Variants in ADGRB2 observed in about 807,000 individuals in gnomAD.
ADGRB2 encodes the protein brain-specific angiogenesis inhibitor 2.
A neutral mutation model predicts 178.7 loss-of-function variants in ADGRB2; 47 were observed. That is an observed-to-expected ratio of 0.26 (90% CI 0.21 to 0.34). The LOEUF is 0.34. ADGRB2 is among the 10% of genes least tolerant of loss of function. The pLI is 1.00. For synonymous variants in ADGRB2, 870 were observed against 912.4 expected (o/e 0.95, Z 0.84); for missense variants, 1,584 against 2,180.8 (o/e 0.73, Z 5.45).
Position 31,731,184 on chromosome 1 carries a change from C to T in ADGRB2, c.3996G>A (p.Leu1332=). 2 of 1,599,414 alleles carry T rather than the reference C, an allele frequency of 1.3e-6. No homozygotes were observed. Among genetic ancestry groups the T allele is most frequent in the Non-Finnish European group, 1.7e-6 (2 of 1,173,696 alleles). Residue 1332 remains leucine, a synonymous_variant, in exon 29 of 33, where the codon CTG becomes CTA. Transcript: ENST00000373658. ...GCAGCCATGTGAGGTCCAGCTGCCG[C>T]AGGCCACCCTCCCCACACATGTAAA... The part of the protein sequence containing the change: ...NPVYMCGEGG[L]RQLDLTWLRP...
chr1:31,753,016 G>C lies in ADGRB2; in HGVS notation c.838+2983C>G, dbSNP rs889656315. 6.6e-6 allele frequency among the ~76,000 whole-genome samples: 1 copy of C among 152,180 alleles called. No individual in the cohort carries two copies. On this transcript the variant is annotated intron_variant, in intron 4 of 32. Coordinates refer to ENST00000373658, the MANE Select transcript of ADGRB2 (RefSeq NM_001364857.2). The surrounding 1 kb of genome is among the most constrained non-coding windows in gnomAD (Gnocchi z 4.1). ...GGATTGTGGCCAAGGAGAGAGGCGTGCATGAGGCGGGGTTCTTTCTCCCAA... is the reference window on the plus strand; with the variant it reads ...GGATTGTGGCCAAGGAGAGAGGCGTCCATGAGGCGGGGTTCTTTCTCCCAA...
chr1:31,734,145 G>A (rs927106292), intron 25 of ADGRB2, among the ~76,000 whole-genome samples: 1 of 152,210 alleles, frequency 6.6e-6, no homozygotes, highest in African/African-American at 2.4e-5. Flanking sequence ...TGAAGTCCCC[G>A]GAGGTGTAGC....
rs1042981432 is a variant in ADGRB2, at chr1:31,741,287, G to T, written c.1794+86C>A. On this transcript the variant is annotated intron_variant, in intron 11 of 32. Transcript: ENST00000373658. The surrounding 1 kb of genome is among the most constrained non-coding windows in gnomAD (Gnocchi z 6.5). ...GCACAGCATATGCCAAGGCACGTGG[G>T]AACGAGCGAGAATCACGCTCCCTCC... 7.3e-7 allele frequency: 1 copy of T among 1,376,836 alleles called. No individual in the cohort carries two copies. Among genetic ancestry groups the T allele is most frequent in the Non-Finnish European group, 1.0e-6 (1 of 999,530 alleles). The allele number at this position is 1,376,836 out of a possible 1,614,324, so 85.3% of individuals were successfully genotyped here. A position where few individuals can be genotyped will look rare whatever the true frequency, so the allele number is the denominator to read the frequency against.
Position 31,740,057 on chromosome 1 carries a change from G to C in ADGRB2, c.2059-23C>G. 6.2e-7 allele frequency: 1 copy of C among 1,614,154 alleles called. No homozygotes were observed. Among genetic ancestry groups the C allele is most frequent in the East Asian group, 2.2e-5 (1 of 44,880 alleles). On this transcript the variant is annotated intron_variant, in intron 13 of 32. Transcript: ENST00000373658. This position sits in a 1 kb window ranked among gnomAD's most constrained non-coding sequence, Gnocchi z 5.9. ...CACCTGGGGACAGAAAGTGTGTAAGGGTCCAAGGCAGGGTGGGTCACGGGA... is the reference window on the plus strand; with the variant it reads ...CACCTGGGGACAGAAAGTGTGTAAGCGTCCAAGGCAGGGTGGGTCACGGGA...
In ADGRB2 at chr1:31,735,525, C is replaced by G; in HGVS notation, c.3353+55G>C. ...CTGAGTCTCCAAGAGCACCCATGTC[C>G]CTCCCTCCCTGCACCATTTCCAGAA... On this transcript the variant is annotated intron_variant, in intron 24 of 32. Coordinates refer to ENST00000373658, the MANE Select transcript of ADGRB2 (RefSeq NM_001364857.2). The surrounding 1 kb of genome is among the most constrained non-coding windows in gnomAD (Gnocchi z 6.0). 1.3e-6 allele frequency: 2 copies of G among 1,578,774 alleles called. No homozygotes were observed. The highest frequency in any genetic ancestry group is 1.7e-6 in the Non-Finnish European group (2 of 1,150,346).
At chr1:31,747,048 C>T (rs1361206801) in intron 4 of ADGRB2, among the ~76,000 whole-genome samples, 2 of 152,206 alleles carry the variant, frequency 1.3e-5, no homozygotes, top group African/African-American at 2.4e-5. Context: ...CTCTGCTGAA[C>T]GTGCTCTTGA....
chr1:31,731,993 T>C (rs1280191439), intron 28 of ADGRB2, 122 bp downstream of exon 28: 2 of 1,313,866 alleles, frequency 1.5e-6, no homozygotes, highest in Non-Finnish European at 2.2e-6. Flanking sequence ...CTCAGGGCTG[T>C]CTAACTTCGA....
rs1182330911 is a variant in ADGRB2 at position 31,756,459 on chromosome 1, C to T, written c.378G>A (p.Gly126=). Residue 126 remains glycine (G), a synonymous_variant, in exon 4 of 33, where the codon GGG becomes GGA. Coordinates refer to ENST00000373658, the MANE Select transcript of ADGRB2 (RefSeq NM_001364857.2). The surrounding 1 kb of genome is among the most constrained non-coding windows in gnomAD (Gnocchi z 8.5). The stretch of plus-strand genomic sequence containing the variant: ...CCTCTGCCTCCTCCTCTTCTGGCCG[C>T]CCCACCTCTGACTCCGCCTGGGCCA... ...EAVAQAESEV[G]RPEEEEAEAA... is the part of the protein sequence containing the mutation. 1 of 1,611,080 alleles carries T rather than the reference C, an allele frequency of 6.2e-7. No individual in the cohort carries two copies. The highest frequency in any genetic ancestry group is 8.5e-7 in the Non-Finnish European group (1 of 1,178,616).
chr1:31,735,924 AC>A lies in ADGRB2; in HGVS notation c.3201-32del. 1 of 1,552,656 alleles carries A rather than the reference AC, an allele frequency of 6.4e-7. No homozygotes were observed. Among genetic ancestry groups the A allele is most frequent in the African/African-American group, 1.4e-5 (1 of 73,404 alleles). On this transcript the variant is annotated intron_variant, in intron 22 of 32. Transcript: ENST00000373658. This position sits in a 1 kb window ranked among gnomAD's most constrained non-coding sequence, Gnocchi z 6.0. ...GTGGGGGAGAAGAAGGGTGTCAGACACCCAGCAGCCTCCCTCCCCACCCTCA... is the reference window on the plus strand; with the variant it reads ...GTGGGGGAGAAGAAGGGTGTCAGACACCAGCAGCCTCCCTCCCCACCCTCA...
chr1:31,754,236 A>G lies in ADGRB2; in HGVS notation c.838+1763T>C, dbSNP rs761538907. ...CAACCAACTCCTGCTTCCGGCTTCA[A>G]CCAAGCCCAGCTGGCTGCTCCTGGC... On this transcript the variant is annotated intron_variant, in intron 4 of 32. Coordinates refer to ENST00000373658, the MANE Select transcript of ADGRB2 (RefSeq NM_001364857.2). This position sits in a 1 kb window ranked among gnomAD's most constrained non-coding sequence, Gnocchi z 5.7. Among the ~76,000 whole-genome samples the G allele has an allele frequency of 6.6e-6, 1 of 152,268 alleles. No individual in the cohort carries two copies. Among genetic ancestry groups the G allele is most frequent in the Non-Finnish European group, 1.5e-5 (1 of 68,048 alleles).
At position 31,745,158 on chromosome 1, in the gene ADGRB2, A is replaced by G. The variant is rs572183347; in HGVS notation, c.839-427T>C. Among the ~76,000 whole-genome samples the G allele has an allele frequency of 2.0e-5, 3 of 152,330 alleles. No individual in the cohort carries two copies. The East Asian group carries it at 5.8e-4, about 29-fold the overall frequency. On this transcript the variant is annotated intron_variant, in intron 4 of 32. Coordinates refer to ENST00000373658, the MANE Select transcript of ADGRB2 (RefSeq NM_001364857.2). ...AGACAGGGGAAGTGCCTTGTCCAAG[A>G]GCACACAGCTGCATTTGCTCCTCCA... is the stretch of plus-strand genomic sequence containing the variant.
chr1:31,749,460 G>C (rs1646446976), intron 4 of ADGRB2, among the ~76,000 whole-genome samples: 1 of 152,234 alleles, frequency 6.6e-6, no homozygotes, highest in African/African-American at 2.4e-5. Flanking sequence ...TCCCAGCTCT[G>C]CCACCGTCTT....
chr1:31,740,254 G>C lies in ADGRB2; in HGVS notation c.1990-76C>G, dbSNP rs1165309702. 5 of 1,607,742 alleles carry C rather than the reference G, an allele frequency of 3.1e-6. No homozygotes were observed. Among genetic ancestry groups the C allele is most frequent in the Non-Finnish European group, 4.3e-6 (5 of 1,176,238 alleles). On this transcript the variant is annotated intron_variant, in intron 12 of 32. Transcript: ENST00000373658. The surrounding 1 kb of genome is among the most constrained non-coding windows in gnomAD (Gnocchi z 5.9). ...GGCTTCCCCCACTATAGCCACACTT[G>C]CCGCCTCTACAGCAGACTCTGCCTA...
Position 31,757,380 on chromosome 1 carries a change from A to G in ADGRB2, c.-61+2T>C. On this transcript the variant is annotated splice_donor_variant, in intron 2 of 32. Transcript: ENST00000373658. LOFTEE classifies it low-confidence loss of function (5UTR_SPLICE). ...TCCTGGAACAATGTCATTCTCACTC[A>G]CTTGCTTTACTGAGAGGGAGAGAAA... 1.1e-6 allele frequency: 1 copy of G among 944,212 alleles called. No homozygotes were observed. The highest frequency in any genetic ancestry group is 1.7e-6 in the Non-Finnish European group (1 of 598,502). The allele number at this position is 944,212 out of a possible 1,614,324, so 58.5% of individuals were successfully genotyped here.
chr1:31,740,667 G>C lies in ADGRB2; in HGVS notation c.1795-126C>G. ...AGAGAAAGGGGGAAAAGGTCAGAGA[G>C]GCTCAAAGGGGCACACAGGGGAGAC... On this transcript the variant is annotated intron_variant, in intron 11 of 32. Transcript: ENST00000373658. The surrounding 1 kb of genome is among the most constrained non-coding windows in gnomAD (Gnocchi z 5.9). 5.2e-6 allele frequency: 5 copies of C among 967,048 alleles called. No individual in the cohort carries two copies. The highest frequency in any genetic ancestry group is 7.4e-6 in the Non-Finnish European group (5 of 671,186). 59.9% of individuals were successfully genotyped at this position (967,048 alleles called of 1,614,324 possible).
rs770435712 is a variant in ADGRB2 at position 31,740,058 on chromosome 1, G to A, written c.2059-24C>T. 3 of 1,614,160 alleles carry A rather than the reference G, an allele frequency of 1.9e-6. No homozygotes were observed. Among genetic ancestry groups the A allele is most frequent in the South Asian group, 1.1e-5 (1 of 91,088 alleles). ...ACCTGGGGACAGAAAGTGTGTAAGG[G>A]TCCAAGGCAGGGTGGGTCACGGGAG... On this transcript the variant is annotated intron_variant, in intron 13 of 32. Coordinates refer to ENST00000373658, the MANE Select transcript of ADGRB2 (RefSeq NM_001364857.2). This position sits in a 1 kb window ranked among gnomAD's most constrained non-coding sequence, Gnocchi z 5.9.
intron 28 of ADGRB2, 61 bp from the exon 29 acceptor site, chr1:31,731,480 T>C: frequency 2.0e-6 from 3 of 1,515,260 alleles, no homozygotes; most frequent in Non-Finnish European, 2.7e-6. Context: ...CCAGATGCCA[T>C]TGCCCAGGCT....
rs1372697533 is a variant in ADGRB2 at position 31,759,581 on chromosome 1, T to C, written c.-190-2070A>G. Among the ~76,000 whole-genome samples, 2 of 152,226 alleles carry C rather than the reference T, an allele frequency of 1.3e-5. No individual in the cohort carries two copies. Among genetic ancestry groups the C allele is most frequent in the African/African-American group, 4.8e-5 (2 of 41,452 alleles). Reference sequence around the variant, plus strand: ...CTCCCCTCAGTCTCCTTCAGACACCTTCACGCTCATTCTGGGATTTCGTCC... The same window carrying C: ...CTCCCCTCAGTCTCCTTCAGACACCCTCACGCTCATTCTGGGATTTCGTCC... On this transcript the variant is annotated intron_variant, in intron 1 of 32. Transcript: ENST00000373658. The surrounding 1 kb of genome is among the most constrained non-coding windows in gnomAD (Gnocchi z 4.3).
chr1:31,741,487 G>A lies in ADGRB2; in HGVS notation c.1688-8C>T. ...AGCGGCGGCTGGCAGACCCTGCAGG[G>A]CAATAGGACAGAGGTCTGGGCATGG... On this transcript the variant is annotated splice_region_variant and splice_polypyrimidine_tract_variant and intron_variant, in intron 10 of 32. Coordinates refer to ENST00000373658, the MANE Select transcript of ADGRB2 (RefSeq NM_001364857.2). The surrounding 1 kb of genome is among the most constrained non-coding windows in gnomAD (Gnocchi z 6.5). The A allele has an allele frequency of 1.3e-6, 2 of 1,585,518 alleles. No homozygotes were observed. The highest frequency in any genetic ancestry group is 1.7e-6 in the Non-Finnish European group (2 of 1,165,426).
Sources: allele counts gnomAD v4.1 joint callset (sites outside exome capture counted in the v4.1 genomes callset), GRCh38; gene constraint gnomAD v4.1.1; non-coding constraint Gnocchi (gnomAD v3.1); transcripts MANE v1.5; gene names NCBI Gene and HGNC (gene_info 2026-07-23, HGNC 2026-07-21).